The following MRRF variants were observed in gnomAD, a reference collection of about 807,000 sequenced individuals.
The protein encoded by MRRF is mitochondrial ribosome recycling factor, also known as ribosome-recycling factor, mitochondrial.
A neutral mutation model predicts 25.1 loss-of-function variants in MRRF; 18 were observed. The ratio of observed to expected loss-of-function variants is 0.72; its 90% CI spans 0.50 to 1.06. The LOEUF (loss-of-function observed/expected upper bound fraction) is 1.06. Ranked by LOEUF, MRRF falls within the 50% of genes least tolerant of loss-of-function variation. The pLI, the probability that MRRF is intolerant of heterozygous loss-of-function variation, is 0.00. For missense variants in MRRF, 323 were observed against 319.3 expected (o/e 1.01, Z -0.09); for synonymous variants, 113 against 112.1 (o/e 1.01, Z -0.05).
intron 5 of MRRF, among the ~76,000 whole-genome samples, chr9:122,308,048 A>G (rs1834970160): frequency 6.6e-6 from 1 of 152,240 alleles, no homozygotes; most frequent in African/African-American, 2.4e-5. Context: ...GAACATGCTC[A>G]AGGAATTTTT....
intron 2 of MRRF, among the ~76,000 whole-genome samples, chr9:122,276,419 G>A (rs1832779950): frequency 6.6e-6 from 1 of 152,172 alleles, no homozygotes; most frequent in African/African-American, 2.4e-5. Flanking sequence ...GCCTTCCAGA[G>A]CGCTGGGATC....
At position 122,330,577 on chromosome 9, in the gene MRRF, T is replaced by C. The variant is rs1836259024; in HGVS notation, c.*7960T>C. On this transcript the variant is annotated 3_prime_UTR_variant, in exon 7 of 7. Transcript: ENST00000344641. This position sits in a 1 kb window ranked among gnomAD's most constrained non-coding sequence, Gnocchi z 4.2. Reference sequence around the variant, plus strand: ...AGGCAACTCAAGGAGCTAGCTGTTATTTTGTTCATTCTACAAGTGAGGAAG... The same window carrying C: ...AGGCAACTCAAGGAGCTAGCTGTTACTTTGTTCATTCTACAAGTGAGGAAG... The C allele has an allele frequency of 6.6e-6, 1 of 152,266 alleles. No individual in the cohort carries two copies. Among genetic ancestry groups the C allele is most frequent in the African/African-American group, 2.4e-5 (1 of 41,446 alleles). The allele number at this position is 152,266 out of a possible 1,614,324, so 9.4% of individuals were successfully genotyped here. A position where few individuals can be genotyped will look rare whatever the true frequency, so the allele number is the denominator to read the frequency against.
At chr9:122,314,723 CA>C (rs1835409474) in intron 6 of MRRF, among the ~76,000 whole-genome samples, 1 of 152,082 alleles carries the variant, frequency 6.6e-6, no homozygotes, top group South Asian at 2.1e-4. Context: ...AGGTAGAAAA[CA>C]GATTGTAGGG....
chr9:122,281,211 CTG>C (rs1020208011), intron 3 of MRRF, among the ~76,000 whole-genome samples: 6 of 152,198 alleles, frequency 3.9e-5, no homozygotes, highest in Non-Finnish European at 7.3e-5. Context: ...TCTAGGCCAA[CTG>C]TTTGCAGATG....
chr9:122,319,167 T>C (rs1835720880), intron 6 of MRRF, among the ~76,000 whole-genome samples: 1 of 148,824 alleles, frequency 6.7e-6, no homozygotes. Flanking sequence ...TTTTTTTTTT[T>C]TGAGACAGAG....
chr9:122,322,527 TG>T lies in MRRF; in HGVS notation c.712-12del. 1 of 1,613,814 alleles carries T rather than the reference TG, an allele frequency of 6.2e-7. No homozygotes were observed. The highest frequency in any genetic ancestry group is 8.5e-7 in the Non-Finnish European group (1 of 1,179,720). ...CCCCATTAATCAGGCTGTCTCATTT[TG>T]TGTTCTTGCAGATCAGCCAAATGGC... On this transcript the variant is annotated splice_polypyrimidine_tract_variant and intron_variant, in intron 6 of 6. Coordinates refer to ENST00000344641, the MANE Select transcript of MRRF (RefSeq NM_138777.5).
At chr9:122,310,539 A>G (rs1406731297) in intron 5 of MRRF, among the ~76,000 whole-genome samples, 1 of 152,240 alleles carries the variant, frequency 6.6e-6, no homozygotes, top group Admixed American at 6.5e-5. Flanking sequence ...ATCTCAAGAT[A>G]GAAGTGTTGT....
chr9:122,278,607 T>C (rs1044934164), intron 2 of MRRF, among the ~76,000 whole-genome samples: 3 of 152,222 alleles, frequency 2.0e-5, no homozygotes, highest in Non-Finnish European at 4.4e-5. Context: ...AATATTACTA[T>C]TCATTCCAAT....
At chr9:122,322,418 T>G in intron 6 of MRRF, 122 bp from the exon 7 acceptor site, 1 of 871,956 alleles carries the variant, frequency 1.1e-6, no homozygotes, top group Non-Finnish European at 1.9e-6. Flanking sequence ...TGACTGGTAC[T>G]TAATGTGAAC....
rs1436816537 is a variant in MRRF, at chr9:122,324,599, G to A, written c.*1982G>A. Reference sequence around the variant, plus strand: ...ATTGCTGTCTATAATAATCTATTGGGTGGAAAAGTAGGAAGTTCATTCCAG... The same window carrying A: ...ATTGCTGTCTATAATAATCTATTGGATGGAAAAGTAGGAAGTTCATTCCAG... On this transcript the variant is annotated 3_prime_UTR_variant, in exon 7 of 7. Transcript: ENST00000344641. 1.3e-5 allele frequency: 2 copies of A among 152,218 alleles called. No individual in the cohort carries two copies. The highest frequency in any genetic ancestry group is 4.8e-5 in the African/African-American group (2 of 41,452). The allele number at this position is 152,218 out of a possible 1,614,324, so 9.4% of individuals were successfully genotyped here.
At chr9:122,299,178 G>A (rs911362653) in intron 5 of MRRF, among the ~76,000 whole-genome samples, 1 of 151,594 alleles carries the variant, frequency 6.6e-6, no homozygotes, top group African/African-American at 2.4e-5. Flanking sequence ...ATCACTTGAG[G>A]TCAAGAGTTT....
chr9:122,306,172 A>G (rs2118913845), intron 5 of MRRF, among the ~76,000 whole-genome samples: 1 of 152,250 alleles, frequency 6.6e-6, no homozygotes, highest in South Asian at 2.1e-4. Flanking sequence ...AATATTATTG[A>G]TAACTTAAAA....
intron 5 of MRRF, among the ~76,000 whole-genome samples, chr9:122,304,101 C>CACACACACACACACA (rs1834668594): frequency 7.5e-6 from 1 of 133,276 alleles, no homozygotes. Context: ...ACACACACAC[C>CACACACACACACACA]CTTTAGGGAT....
rs969942087 is a variant in MRRF at position 122,329,653 on chromosome 9, C to G, written c.*7036C>G. On this transcript the variant is annotated 3_prime_UTR_variant, in exon 7 of 7. Transcript: ENST00000344641. The stretch of plus-strand genomic sequence containing the variant: ...CCCCTCATCCAATAAGTCACCAAGT[C>G]CTGTCAATTCTCCCTTCAACAGACC... 1 of 152,370 alleles carries G rather than the reference C, an allele frequency of 6.6e-6. No individual in the cohort carries two copies. Among genetic ancestry groups the G allele is most frequent in the African/African-American group, 2.4e-5 (1 of 41,470 alleles). 9.4% of individuals were successfully genotyped at this position (152,370 alleles called of 1,614,324 possible). A position where few individuals can be genotyped will look rare whatever the true frequency, so the allele number is the denominator to read the frequency against.
intron 2 of MRRF, among the ~76,000 whole-genome samples, chr9:122,272,588 T>C (rs918990634): frequency 3.3e-5 from 5 of 151,860 alleles, no homozygotes; most frequent in African/African-American, 1.2e-4. Flanking sequence ...TGGCTTGAGG[T>C]GAGGAGTTTG....
intron 1 of MRRF, among the ~76,000 whole-genome samples, chr9:122,269,656 G>A (rs1384219871): frequency 6.6e-6 from 1 of 152,146 alleles, no homozygotes; most frequent in East Asian, 1.9e-4. Flanking sequence ...GAACCTGGGA[G>A]TGGAGGTTGC....
chr9:122,276,794 T>C (rs1453439079), intron 2 of MRRF, among the ~76,000 whole-genome samples: 1 of 152,222 alleles, frequency 6.6e-6, no homozygotes, highest in African/African-American at 2.4e-5. Context: ...TTCTGTTTTT[T>C]TATTTGCTTA....
intron 5 of MRRF, among the ~76,000 whole-genome samples, chr9:122,306,131 A>C (rs1834828846): frequency 1.3e-5 from 2 of 152,200 alleles, no homozygotes; most frequent in Admixed American, 6.5e-5. Context: ...GTTCTCCCCC[A>C]GTAGGAAACA....
At chr9:122,315,766 A>G (rs1182989998) in intron 6 of MRRF, among the ~76,000 whole-genome samples, 3 of 151,298 alleles carry the variant, frequency 2.0e-5, no homozygotes, top group East Asian at 2.0e-4. Context: ...AAGCCTATGG[A>G]CCTTCAGGGC....
Sources: gnomAD v4.1 joint callset for allele counts (sites outside exome capture counted in the v4.1 genomes callset) on GRCh38, gnomAD v4.1.1 for gene constraint, Gnocchi (gnomAD v3.1) non-coding constraint, MANE v1.5 for transcripts, NCBI Gene and HGNC (gene_info 2026-07-23, HGNC 2026-07-21) for gene names.